The following ITCH variants were observed in gnomAD, a reference collection of about 807,000 sequenced individuals.
ITCH encodes the protein itchy E3 ubiquitin protein ligase.
Under a neutral mutation model 126.8 loss-of-function variants are expected in ITCH, and 28 were observed. The observed-to-expected ratio is 0.22, with a 90% CI of 0.16 to 0.30. ITCH has a LOEUF of 0.30. Among genes scored for constraint, ITCH ranks in the 10% least tolerant of loss-of-function variants. The probability of loss-of-function intolerance (pLI) is 1.00; values close to 1 mark genes in which losing one functional copy is unlikely to be tolerated. For missense variants in ITCH, 631 were observed against 1,032.4 expected (o/e 0.61, Z 5.33); for synonymous variants, 342 against 340.0 (o/e 1.01, Z -0.06).
At chr20:34,420,929 C>T (rs1980679500) in intron 6 of ITCH, among the ~76,000 whole-genome samples, 1 of 152,174 alleles carries the variant, frequency 6.6e-6, no homozygotes, top group Non-Finnish European at 1.5e-5. Flanking sequence ...AACTCCTTTC[C>T]TACCTGTGTA....
intron 18 of ITCH, among the ~76,000 whole-genome samples, chr20:34,480,130 C>T (rs1988601265): frequency 6.6e-6 from 1 of 151,998 alleles, no homozygotes; most frequent in East Asian, 1.9e-4. Context: ...AACTCCTGAC[C>T]TCAGGTAATC....
Position 34,457,413 on chromosome 20 carries a change from A to G in ITCH, c.1234A>G (p.Arg412Gly). 1 of 1,613,816 alleles carries G rather than the reference A, an allele frequency of 6.2e-7. No individual in the cohort carries two copies. The highest frequency in any genetic ancestry group is 8.5e-7 in the Non-Finnish European group (1 of 1,179,768). The change falls in exon 13 of 25, where the codon AGA becomes GGA. Residue 412 changes from arginine to glycine, a missense_variant. By Grantham distance (125) the Arg-to-Gly change is moderately radical. Around this residue, in one of 4 missense-constraint regions of ITCH, gnomAD observed 390 missense variants for 731.6 expected, o/e 0.53. Transcript: ENST00000374864. ...GWEKRTDSNG[R>G]VYFVNHNTRI... The stretch of plus-strand genomic sequence containing the variant: ...AGAGAAGAGAACAGACAGCAATGGC[A>G]GAGTATATTTCGTCAACCACAACAC...
intron 2 of ITCH, chr20:34,384,279 CTTTTTTTTTTT>C (rs35124886): frequency 1.9e-5 from 2 of 103,810 alleles, no homozygotes; most frequent in Non-Finnish European, 3.6e-5. Context: ...GCCTGTAATT[CTTTTTTTTTTT>C]TTTTTTTTTG....
intron 17 of ITCH, among the ~76,000 whole-genome samples, chr20:34,478,417 T>C (rs554807043): frequency 6.6e-6 from 1 of 152,344 alleles, no homozygotes; most frequent in South Asian, 2.1e-4. Flanking sequence ...GAGCTTAATA[T>C]TGGACCCTAG....
At position 34,457,480 on chromosome 20, in the gene ITCH, A is replaced by T. The variant is rs1986115549; in HGVS notation, c.1295+6A>T. On this transcript the variant is annotated splice_donor_region_variant and intron_variant, in intron 13 of 24. Coordinates refer to ENST00000374864, the MANE Select transcript of ITCH (RefSeq NM_031483.7). ...GAAGACCCCAGAAGTCAAGGGTAAG[A>T]ATAGTTACTTGTGTATATTTAATCT... 6.4e-7 allele frequency: 1 copy of T among 1,565,560 alleles called. No homozygotes were observed. The highest frequency in any genetic ancestry group is 1.1e-5 in the South Asian group (1 of 89,740).
rs1027905032 is a variant in ITCH at position 34,440,342 on chromosome 20, TG to T, written c.869+1del. On this transcript the variant is annotated frameshift_variant and splice_region_variant, in exon 9 of 25. Transcript: ENST00000374864. LOFTEE classifies it high-confidence loss of function. ...CTGTAACTCAAGCTCCCTTGCCACCTGGGTGAGTAACTTTTTAAATTAACAT... is the reference window on the plus strand; with the variant it reads ...CTGTAACTCAAGCTCCCTTGCCACCTGGTGAGTAACTTTTTAAATTAACAT... ...NPVTQAPLPP[G>X]WEQRVDQHGR... 1 of 1,611,078 alleles carries T rather than the reference TG, an allele frequency of 6.2e-7. No individual in the cohort carries two copies. The highest frequency in any genetic ancestry group is 1.3e-5 in the African/African-American group (1 of 74,892).
At chr20:34,380,581 G>C (rs928282876) in intron 2 of ITCH, among the ~76,000 whole-genome samples, 1 of 107,380 alleles carries the variant, frequency 9.3e-6, no homozygotes, top group Non-Finnish European at 2.0e-5. Context: ...CCTATTGCTT[G>C]TCTTTCCATT....
At chr20:34,468,790 C>A (rs1205745305) in intron 14 of ITCH, among the ~76,000 whole-genome samples, 35 of 139,194 alleles carry the variant, frequency 2.5e-4, no homozygotes, top group East Asian at 4.2e-4. Context: ...GACTCCATCT[C>A]AAAAAAAAAA....
intron 9 of ITCH, 175 bp from the exon 10 acceptor site, chr20:34,442,033 C>T (rs2146292834): frequency 3.1e-6 from 2 of 645,116 alleles, no homozygotes; most frequent in East Asian, 5.7e-5. Context: ...GTGCCACTGC[C>T]TGAAGATTAC....
intron 12 of ITCH, among the ~76,000 whole-genome samples, chr20:34,452,885 A>C (rs187367523): frequency 1.3e-5 from 2 of 152,362 alleles, no homozygotes; most frequent in East Asian, 1.9e-4. Flanking sequence ...GAGGATAAAG[A>C]ACAAAGAATA....
chr20:34,486,665 T>A (rs796431192), intron 20 of ITCH, among the ~76,000 whole-genome samples: 9 of 149,104 alleles, frequency 6.0e-5, no homozygotes, highest in South Asian at 2.1e-4. Context: ...ATTTTATTTA[T>A]TTTATTTATT....
chr20:34,474,567 C>T (rs1175939205), intron 16 of ITCH, among the ~76,000 whole-genome samples: 2 of 152,236 alleles, frequency 1.3e-5, no homozygotes, highest in Non-Finnish European at 2.9e-5. Flanking sequence ...ATACTTCTTT[C>T]TGCACAGACA....
At chr20:34,482,214 CT>C (rs973010312) in intron 20 of ITCH, among the ~76,000 whole-genome samples, 28 of 152,290 alleles carry the variant, frequency 1.8e-4, no homozygotes, top group African/African-American at 5.8e-4. Context: ...CATTCTGCCC[CT>C]AGCCCCTCCC....
intron 2 of ITCH, among the ~76,000 whole-genome samples, chr20:34,390,159 A>G (rs1011993727): frequency 6.6e-6 from 1 of 151,982 alleles, no homozygotes; most frequent in Non-Finnish European, 1.5e-5. Context: ...TGATGGTTTC[A>G]CTTCAAGATG....
rs5841171 is a variant in ITCH, at chr20:34,375,696, A to ATTT, written c.-22+6259_-22+6261dup. 8.0e-3 allele frequency among the ~76,000 whole-genome samples: 522 copies of ATTT among 65,558 alleles called. 55 individuals carry two copies. Among genetic ancestry groups the ATTT allele is most frequent in the African/African-American group, 0.01 (142 of 13,678 alleles). The allele number at this position is 65,558 out of a possible 152,430, so 43.0% of individuals were successfully genotyped here. A position where few individuals can be genotyped will look rare whatever the true frequency, so the allele number is the denominator to read the frequency against. On this transcript the variant is annotated intron_variant, in intron 2 of 24. Transcript: ENST00000374864. ...CACTCACAATGTATTGGTAGTTAAAATTTTTTTTTTTTTTTTTTTTTTTTT... is the reference window on the plus strand; with the variant it reads ...CACTCACAATGTATTGGTAGTTAAAATTTTTTTTTTTTTTTTTTTTTTTTTTTT...
chr20:34,446,712 T>TAG (rs1472991765), intron 11 of ITCH, among the ~76,000 whole-genome samples: 4 of 152,334 alleles, frequency 2.6e-5, no homozygotes, highest in African/African-American at 9.6e-5. Flanking sequence ...AAATTTCTTC[T>TAG]AGGTTTGAAT....
chr20:34,402,517 A>G, intron 3 of ITCH: 1 of 751,016 alleles, frequency 1.3e-6, no homozygotes, highest in East Asian at 2.5e-5. Flanking sequence ...CAGCAGTCAT[A>G]ATCCCTCATA....
At chr20:34,419,312 G>A (rs1359517225) in intron 6 of ITCH, among the ~76,000 whole-genome samples, 1 of 152,062 alleles carries the variant, frequency 6.6e-6, no homozygotes, top group Non-Finnish European at 1.5e-5. Flanking sequence ...CAATATCATT[G>A]CATCCACCTG....
chr20:34,476,696 A>C (rs911801725), intron 16 of ITCH: 1 of 251,160 alleles, frequency 4.0e-6, no homozygotes, highest in Non-Finnish European at 7.5e-6. Flanking sequence ...GAACTGAGAG[A>C]ACTTGGCATA....
Sources: gnomAD v4.1 joint callset for allele counts (sites outside exome capture counted in the v4.1 genomes callset) on GRCh38, gnomAD v4.1.1 for gene constraint, gnomAD v4.1.1 regional missense constraint, MANE v1.5 for transcripts, NCBI Gene and HGNC (gene_info 2026-07-23, HGNC 2026-07-21) for gene names.